Variants in PSMC6 observed in about 807,000 individuals in gnomAD.
PSMC6 encodes the protein proteasome 26S subunit, ATPase 6.
A neutral mutation model predicts 55.9 loss-of-function variants in PSMC6; 3 were observed. The ratio of observed to expected loss-of-function variants is 0.05; its 90% CI spans 0.02 to 0.14. The LOEUF is 0.14. Among genes scored for constraint, PSMC6 ranks in the 10% least tolerant of loss-of-function variants. The pLI is 1.00. For missense variants in PSMC6, 210 were observed against 478.7 expected, an observed-to-expected ratio of 0.44 and a Z score of 5.24; for synonymous variants, 137 against 155.9, an observed-to-expected ratio of 0.88 and a Z score of 0.90.
intron 12 of PSMC6, chr14:52,721,406 T>G: frequency 2.2e-6 from 1 of 445,936 alleles, no homozygotes; most frequent in East Asian, 3.6e-5. Flanking sequence ...ACAGACAAAT[T>G]TCTGCCATTA....
intron 7 of PSMC6, among the ~76,000 whole-genome samples, chr14:52,714,913 C>A (rs1453390408): frequency 6.7e-6 from 1 of 149,456 alleles, no homozygotes; most frequent in Non-Finnish European, 1.5e-5. Flanking sequence ...GCAAATGTAC[C>A]TATAGCATAC....
intron 13 of PSMC6, among the ~76,000 whole-genome samples, chr14:52,724,476 A>G (rs1376734744): frequency 1.3e-5 from 2 of 152,238 alleles, no homozygotes; most frequent in Non-Finnish European, 2.9e-5. Flanking sequence ...CTGAGGTGCT[A>G]CAGAATTGCC....
rs536520951 is a variant in PSMC6, at chr14:52,720,114, T to A, written c.778-747T>A. 2.0e-5 allele frequency among the ~76,000 whole-genome samples: 3 copies of A among 150,862 alleles called. No individual in the cohort carries two copies. In the East Asian group the frequency reaches 5.9e-4, roughly 30 times the overall value. On this transcript the variant is annotated intron_variant, in intron 10 of 13. Coordinates refer to ENST00000445930, the MANE Select transcript of PSMC6 (RefSeq NM_002806.5). The stretch of plus-strand genomic sequence containing the variant: ...GGCGTGTGCCTGTAATCCCAGTTAC[T>A]CAGGAGGCTGAGGCAGGAGAATTGC...
At chr14:52,725,893 C>G (rs1880391914) in intron 13 of PSMC6, among the ~76,000 whole-genome samples, 1 of 152,244 alleles carries the variant, frequency 6.6e-6, no homozygotes, top group African/African-American at 2.4e-5. Context: ...ACAAAAATAA[C>G]TTACCTAGTT....
chr14:52,717,942 C>T (rs528609919), intron 7 of PSMC6, 139 bp from the exon 8 acceptor site: 157 of 713,460 alleles, frequency 2.2e-4, no homozygotes, highest in South Asian at 2.0e-3. Context: ...GTGGGAAAAT[C>T]GCTTAGGTCT....
chr14:52,708,670 G>A (rs2139834356), intron 3 of PSMC6, 94 bp from the exon 4 acceptor site: 1 of 1,573,038 alleles, frequency 6.4e-7, no homozygotes, highest in South Asian at 1.2e-5. Flanking sequence ...TGTCTCCTTG[G>A]AGGACAGAAA....
intron 12 of PSMC6, chr14:52,722,173 T>A (rs1461154008): frequency 6.6e-6 from 1 of 152,288 alleles, no homozygotes; most frequent in Admixed American, 6.5e-5. Context: ...TCATTGGTAA[T>A]CTTGTCAAAA....
chr14:52,712,668 G>T (rs1176055078), intron 6 of PSMC6, among the ~76,000 whole-genome samples: 1 of 151,852 alleles, frequency 6.6e-6, no homozygotes, highest in Admixed American at 6.6e-5. Context: ...TTTTGCCCAG[G>T]CTGGAATGCA....
intron 9 of PSMC6, 35 bp from the exon 10 acceptor site, chr14:52,718,942 G>C: frequency 6.7e-7 from 1 of 1,495,224 alleles, no homozygotes; most frequent in Non-Finnish European, 9.3e-7. Flanking sequence ...GAGGAAAAGA[G>C]TAATGCATAT....
intron 4 of PSMC6, 137 bp downstream of exon 4, chr14:52,708,953 G>A: frequency 1.6e-6 from 2 of 1,264,552 alleles, no homozygotes; most frequent in South Asian, 1.6e-5. Context: ...GACATAGCTA[G>A]TTATTAACAA....
intron 10 of PSMC6, among the ~76,000 whole-genome samples, chr14:52,719,787 A>G (rs1289297090): frequency 2.0e-5 from 3 of 152,366 alleles, no homozygotes; most frequent in East Asian, 3.9e-4. Flanking sequence ...TAACTAATAT[A>G]TCATCAACTA....
intron 12 of PSMC6, chr14:52,723,478 C>T (rs1243893024): frequency 6.5e-6 from 1 of 153,912 alleles, no homozygotes; most frequent in Non-Finnish European, 1.4e-5. Context: ...CTAATGCATG[C>T]TGTAGCATTT....
At chr14:52,716,612 G>A (rs942951000) in intron 7 of PSMC6, among the ~76,000 whole-genome samples, 6 of 152,136 alleles carry the variant, frequency 3.9e-5, no homozygotes, top group African/African-American at 1.2e-4. Flanking sequence ...AATTAGCTGG[G>A]TGTAGTAGTT....
At chr14:52,709,669 G>A (rs1038196227) in intron 4 of PSMC6, 7 of 436,822 alleles carry the variant, frequency 1.6e-5, no homozygotes, top group East Asian at 7.5e-5. Context: ...TAGAAAAGCC[G>A]AAGTATATAT....
intron 5 of PSMC6, 39 bp from the exon 6 acceptor site, chr14:52,711,371 A>G (rs892636851): frequency 4.0e-6 from 6 of 1,509,378 alleles, no homozygotes; most frequent in African/African-American, 2.8e-5. Context: ...AAGAGAAAAT[A>G]TATCTTTCAA....
At chr14:52,708,179 G>A in intron 1 of PSMC6, 130 bp from the exon 2 acceptor site, 1 of 722,734 alleles carries the variant, frequency 1.4e-6, no homozygotes. Flanking sequence ...TTTCTTTTAT[G>A]GTTTGAAACA....
intron 13 of PSMC6, among the ~76,000 whole-genome samples, chr14:52,724,412 G>A (rs144583224): frequency 1.4e-3 from 213 of 152,274 alleles, no homozygotes; most frequent in African/African-American, 5.0e-3. Flanking sequence ...CCTGCCTTAG[G>A]GCAGAATGTG....
Position 52,718,864 on chromosome 14 carries a change from C to T in PSMC6, c.716-113C>T, listed in dbSNP as rs564177699. On this transcript the variant is annotated intron_variant, in intron 9 of 13. Coordinates refer to ENST00000445930, the MANE Select transcript of PSMC6 (RefSeq NM_002806.5). ...TAACTTTGTCAGCATAATTCTTGCT[C>T]TTTAATTTTCATCTTAATGTTTTAA... is the stretch of plus-strand genomic sequence containing the variant. The T allele has an allele frequency of 3.7e-6, 3 of 821,860 alleles. No individual in the cohort carries two copies. The East Asian group carries it at 7.7e-5, about 21-fold the overall frequency. 50.9% of individuals were successfully genotyped at this position (821,860 alleles called of 1,614,324 possible). A position where few individuals can be genotyped will look rare whatever the true frequency, so the allele number is the denominator to read the frequency against.
rs566566454 is a variant in PSMC6 at position 52,718,437 on chromosome 14, G to T, written c.715+85G>T. The stretch of plus-strand genomic sequence containing the variant: ...TTTCCCTCTCTTAATCTGTAATTGT[G>T]ACTTGTATGAAGTAGATACCACAAT... On this transcript the variant is annotated intron_variant, in intron 9 of 13. Coordinates refer to ENST00000445930, the MANE Select transcript of PSMC6 (RefSeq NM_002806.5). The T allele has an allele frequency of 2.2e-6, 3 of 1,391,916 alleles. No homozygotes were observed. In the East Asian group the frequency reaches 6.9e-5, roughly 32 times the overall value. The allele number at this position is 1,391,916 out of a possible 1,614,324, so 86.2% of individuals were successfully genotyped here.
Sources: allele counts gnomAD v4.1 joint callset (sites outside exome capture counted in the v4.1 genomes callset), GRCh38; gene constraint gnomAD v4.1.1; transcripts MANE v1.5; gene names NCBI Gene and HGNC (gene_info 2026-07-23, HGNC 2026-07-21).